Variants in ARB2A observed in about 807,000 individuals in gnomAD.
ARB2A encodes ARB2 cotranscriptional regulator A, also known as cotranscriptional regulator ARB2A.
At chr5:94,045,541 T>C in the ARB2A span, among the ~76,000 whole-genome samples, 7 of 152,212 alleles carry the variant, frequency 4.6e-5, no homozygotes, top group African/African-American at 1.7e-4. Flanking sequence ...ATAATTAAAA[T>C]TGTTTAGCTT....
chr5:93,772,821 G>T, the ARB2A span, among the ~76,000 whole-genome samples: 1 of 152,166 alleles, frequency 6.6e-6, no homozygotes, highest in African/African-American at 2.4e-5. Context: ...CAACCTGGCA[G>T]CTGGTTTCCA....
At chr5:93,666,447 T>C in the ARB2A span, among the ~76,000 whole-genome samples, 1 of 152,020 alleles carries the variant, frequency 6.6e-6, no homozygotes, top group Non-Finnish European at 1.5e-5. Flanking sequence ...CCAGACCCCC[T>C]TGGTACTTAG....
chr5:93,925,306 TAAGAAACTGTCTTAAAGATTCTTGAG>T, the ARB2A span, among the ~76,000 whole-genome samples: 1 of 152,182 alleles, frequency 6.6e-6, no homozygotes, highest in African/African-American at 2.4e-5. Flanking sequence ...CTATGATAGT[TAAGAAACTGTCTTAAAGATTCTTGAG>T]AATGAGAAAC....
the ARB2A span, among the ~76,000 whole-genome samples, chr5:93,887,936 C>T: frequency 6.6e-6 from 1 of 151,940 alleles, no homozygotes; most frequent in African/African-American, 2.4e-5. Flanking sequence ...TTTTGGCACA[C>T]AAAAGGTGAA....
chr5:93,845,764 T>G, the ARB2A span, among the ~76,000 whole-genome samples: 3 of 152,198 alleles, frequency 2.0e-5, no homozygotes, highest in African/African-American at 7.2e-5. Flanking sequence ...TCTGTGTGTG[T>G]TGGAGGGGGC....
the ARB2A span, among the ~76,000 whole-genome samples, chr5:93,824,936 C>A: frequency 1.3e-5 from 2 of 152,216 alleles, no homozygotes; most frequent in South Asian, 4.1e-4. Context: ...GGCATCCCCC[C>A]AAACTGTTGC....
chr5:93,858,787 G>C, the ARB2A span, among the ~76,000 whole-genome samples: 1 of 152,040 alleles, frequency 6.6e-6, no homozygotes, highest in Non-Finnish European at 1.5e-5. Flanking sequence ...AATTCTTCTA[G>C]AAAAAGAAAC....
At chr5:94,030,931 G>A in the ARB2A span, among the ~76,000 whole-genome samples, 33 of 152,132 alleles carry the variant, frequency 2.2e-4, no homozygotes. Flanking sequence ...TGCAGTACAA[G>A]GCCCTCAACA....
chr5:94,109,830 G>C, the ARB2A span, among the ~76,000 whole-genome samples: 1 of 150,130 alleles, frequency 6.7e-6, no homozygotes, highest in Non-Finnish European at 1.5e-5. Context: ...ATCTAAAATA[G>C]CATCCTCTAT....
the ARB2A span, among the ~76,000 whole-genome samples, chr5:94,072,302 G>A: frequency 6.6e-6 from 1 of 151,868 alleles, no homozygotes; most frequent in Non-Finnish European, 1.5e-5. Context: ...AATGTTTGTG[G>A]TCATGGTTGC....
the ARB2A span, among the ~76,000 whole-genome samples, chr5:93,946,952 G>C: frequency 6.6e-6 from 1 of 152,054 alleles, no homozygotes; most frequent in African/African-American, 2.4e-5. Flanking sequence ...ACATCTGATA[G>C]AAGAGTATTA....
the ARB2A span, among the ~76,000 whole-genome samples, chr5:93,774,075 C>A: frequency 1.3e-5 from 2 of 152,224 alleles, no homozygotes. Context: ...CATACTCGGC[C>A]TTGATCAGTC....
chr5:93,883,237 T>A, the ARB2A span, among the ~76,000 whole-genome samples: 1 of 151,524 alleles, frequency 6.6e-6, no homozygotes, highest in African/African-American at 2.4e-5. Flanking sequence ...GATACAGTCA[T>A]CTTACATATA....
the ARB2A span, chr5:93,618,222 T>G: frequency 6.6e-6 from 1 of 152,078 alleles, no homozygotes; most frequent in African/African-American, 2.4e-5. Context: ...AGAACAGTTA[T>G]TAAAGGTACA....
At chr5:93,887,178 C>G in the ARB2A span, among the ~76,000 whole-genome samples, 2 of 150,866 alleles carry the variant, frequency 1.3e-5, no homozygotes, top group African/African-American at 4.9e-5. Context: ...CAGGGTCACA[C>G]TGCATTCCTC....
chr5:93,897,040 A>T, the ARB2A span, among the ~76,000 whole-genome samples: 3 of 152,018 alleles, frequency 2.0e-5, no homozygotes, highest in Non-Finnish European at 4.4e-5. Flanking sequence ...CCTAATACAT[A>T]AAGGGAAAGT....
the ARB2A span, among the ~76,000 whole-genome samples, chr5:93,770,384 T>G: frequency 3.8e-4 from 58 of 152,286 alleles, no homozygotes; most frequent in African/African-American, 9.1e-4. Context: ...GCATTCCCTT[T>G]GAAAACTGGC....
the ARB2A span, among the ~76,000 whole-genome samples, chr5:93,936,714 A>C: frequency 1.3e-5 from 2 of 152,176 alleles, no homozygotes; most frequent in African/African-American, 4.8e-5. Flanking sequence ...TTTCTTTTAA[A>C]CCTTTTTATG....
the ARB2A span, among the ~76,000 whole-genome samples, chr5:93,655,428 G>T: frequency 6.6e-6 from 1 of 152,012 alleles, no homozygotes; most frequent in African/African-American, 2.4e-5. Flanking sequence ...TCTCACTATG[G>T]TCAATAACTC....
Sources: gnomAD v4.1 joint callset for allele counts (sites outside exome capture counted in the v4.1 genomes callset) on GRCh38, gnomAD v4.1.1 for gene constraint, MANE v1.5 for transcripts, NCBI Gene and HGNC (gene_info 2026-07-23, HGNC 2026-07-21) for gene names.